The following OR4E2 variants were observed in gnomAD, a reference collection of about 807,000 sequenced individuals.
OR4E2 encodes the protein olfactory receptor family 4 subfamily E member 2.
OR4E2 carries 9 observed loss-of-function variants against 11.0 expected under a neutral mutation model. The observed-to-expected ratio is 0.82, with a 90% CI of 0.49 to 1.43. The LOEUF (loss-of-function observed/expected upper bound fraction) is 1.43. OR4E2 is among the 40% of genes most tolerant of loss of function. The pLI is 0.00. For synonymous variants in OR4E2, 159 were observed against 147.3 expected (o/e 1.08, Z -0.57); for missense variants, 441 against 382.0 (o/e 1.15, Z -1.29).
In OR4E2 at chr14:21,660,724, C is replaced by G. The variant is rs1880275618; in HGVS notation, c.-31C>G. 1.3e-5 allele frequency: 2 copies of G among 151,540 alleles called. No individual in the cohort carries two copies. Among genetic ancestry groups the G allele is most frequent in the South Asian group, 4.2e-4 (2 of 4,800 alleles). 9.4% of individuals were successfully genotyped at this position (151,540 alleles called of 1,614,324 possible). A position where few individuals can be genotyped will look rare whatever the true frequency, so the allele number is the denominator to read the frequency against. On this transcript the variant is annotated 5_prime_UTR_variant, in exon 3 of 4. Coordinates refer to ENST00000641524, the MANE Select transcript of OR4E2 (RefSeq NM_001001912.3). Reference sequence around the variant, plus strand: ...TAAGCGATAGATCCTCCACCTCAGCCTCTTGAGTATTTGGGACTACAGGCA... The same window carrying G: ...TAAGCGATAGATCCTCCACCTCAGCGTCTTGAGTATTTGGGACTACAGGCA...
intron 1 of OR4E2, among the ~76,000 whole-genome samples, chr14:21,656,106 C>T (rs906701444): frequency 6.6e-6 from 1 of 151,618 alleles, no homozygotes; most frequent in African/African-American, 2.4e-5. Context: ...AGCGAAGCCC[C>T]TGTCTCTACA....
chr14:21,654,977 C>T (rs538178179), intron 1 of OR4E2, among the ~76,000 whole-genome samples: 5 of 152,232 alleles, frequency 3.3e-5, no homozygotes, highest in Admixed American at 2.0e-4. Context: ...CATGAAGCCT[C>T]GCCACATTAT....
At chr14:21,655,751 G>T (rs1879908027) in intron 1 of OR4E2, among the ~76,000 whole-genome samples, 2 of 152,030 alleles carry the variant, frequency 1.3e-5, no homozygotes, top group African/African-American at 4.8e-5. Context: ...CTAAAAGTGT[G>T]CTTTCTATTA....
At chr14:21,661,268 A>G (rs1449517828) in intron 3 of OR4E2, among the ~76,000 whole-genome samples, 2 of 152,244 alleles carry the variant, frequency 1.3e-5, no homozygotes, top group African/African-American at 4.8e-5. Context: ...AACATAATTC[A>G]TGAATATGTA....
At chr14:21,654,556 C>G (rs1362091040) in intron 1 of OR4E2, among the ~76,000 whole-genome samples, 2 of 151,972 alleles carry the variant, frequency 1.3e-5, no homozygotes, top group Admixed American at 1.3e-4. Context: ...CTACCAATAG[C>G]CAAATCTGTA....
intron 3 of OR4E2, among the ~76,000 whole-genome samples, chr14:21,663,228 C>T (rs955205030): frequency 1.3e-5 from 2 of 152,042 alleles, no homozygotes; most frequent in African/African-American, 4.8e-5. Flanking sequence ...GCCTGTAATC[C>T]CAGCACTTTG....
rs537657313 is a variant in OR4E2 at position 21,657,438 on chromosome 14, T to C, written c.-103+849T>C. On this transcript the variant is annotated intron_variant, in intron 2 of 3. Coordinates refer to ENST00000641524, the MANE Select transcript of OR4E2 (RefSeq NM_001001912.3). Reference sequence around the variant, plus strand: ...TCTTTCTTTCTCTTTCTTTCTTCTTTCTTTCCTTCCTTCCTTCCTTCCTTC... The same window carrying C: ...TCTTTCTTTCTCTTTCTTTCTTCTTCCTTTCCTTCCTTCCTTCCTTCCTTC... Among the ~76,000 whole-genome samples, 42 of 99,546 alleles carry C rather than the reference T, an allele frequency of 4.2e-4. 1 individual carries two copies. The highest frequency in any genetic ancestry group is 1.7e-3 in the African/African-American group (40 of 23,962). The allele number at this position is 99,546 out of a possible 152,430, so 65.3% of individuals were successfully genotyped here.
rs1273179317 is a variant in OR4E2, at chr14:21,660,662, C to T, written c.-93C>T. The T allele has an allele frequency of 3.3e-5, 5 of 150,080 alleles. No individual in the cohort carries two copies. The highest frequency in any genetic ancestry group is 9.8e-5 in the African/African-American group (4 of 40,694). 9.3% of individuals were successfully genotyped at this position (150,080 alleles called of 1,614,324 possible). On this transcript the variant is annotated 5_prime_UTR_variant, in exon 3 of 4. Coordinates refer to ENST00000641524, the MANE Select transcript of OR4E2 (RefSeq NM_001001912.3). ...TTTTTTTTTTTTAAAGATGGCATCT[C>T]GCTGTGCTGCCTAGGCAGACCTTGA...
chr14:21,665,416 A>T lies in OR4E2; in HGVS notation c.334A>T (p.Ile112Phe). The T allele has an allele frequency of 6.2e-7, 1 of 1,614,000 alleles. No homozygotes were observed. The highest frequency in any genetic ancestry group is 1.7e-5 in the Admixed American group (1 of 60,016). The change falls in exon 4 of 4, where the codon ATC becomes TTC. Residue 112 changes from isoleucine to phenylalanine, a missense_variant. By Grantham distance (21) the Ile-to-Phe change is conservative (BLOSUM62 0). Coordinates refer to ENST00000641524, the MANE Select transcript of OR4E2 (RefSeq NM_001001912.3). ...FFLHLFACAE[I>F]FLLIIMAYDR... ...CCTACATCTCTTTGCCTGTGCCGAG[A>T]TCTTTCTGCTGATCATTATGGCGTA...
chr14:21,659,705 A>G (rs1307292709), intron 2 of OR4E2, among the ~76,000 whole-genome samples: 5 of 152,250 alleles, frequency 3.3e-5, no homozygotes, highest in African/African-American at 1.2e-4. Context: ...TAGAGAAGTT[A>G]TAATCGTTCA....
At chr14:21,661,270 G>A (rs1324733756) in intron 3 of OR4E2, among the ~76,000 whole-genome samples, 1 of 152,064 alleles carries the variant, frequency 6.6e-6, no homozygotes, top group Non-Finnish European at 1.5e-5. Flanking sequence ...CATAATTCAT[G>A]AATATGTATA....
intron 3 of OR4E2, among the ~76,000 whole-genome samples, chr14:21,663,489 T>TAAA (rs1880452819): frequency 0.017 from 1,516 of 86,870 alleles, 16 homozygotes; most frequent in Middle Eastern, 0.068. Flanking sequence ...CGAAAAAAAT[T>TAAA]TTTTTTTTTT....
intron 2 of OR4E2, among the ~76,000 whole-genome samples, chr14:21,658,808 G>GTT (rs57725703): frequency 6.8e-6 from 1 of 147,584 alleles, no homozygotes. Flanking sequence ...TTGACCTTCA[G>GTT]TTTTTTTTTT....
rs762834349 is a variant in OR4E2, at chr14:21,665,547, C to G, written c.465C>G (p.His155Gln). ...VFALWLGGTV[H>Q]SLGQTFLTIR... The stretch of plus-strand genomic sequence containing the variant: ...CTCTCTGGTTGGGGGGTACTGTTCA[C>G]TCACTAGGGCAGACCTTCTTGACTA... The change falls in exon 4 of 4, where the codon CAC (histidine) becomes CAG (glutamine). Residue 155 changes from histidine to glutamine, a missense_variant. By Grantham distance (24) the His-to-Gln change is conservative. Transcript: ENST00000641524. 6.2e-7 allele frequency: 1 copy of G among 1,614,164 alleles called. No homozygotes were observed. Among genetic ancestry groups the G allele is most frequent in the Non-Finnish European group, 8.5e-7 (1 of 1,180,036 alleles).
At position 21,666,098 on chromosome 14, in the gene OR4E2, C is replaced by A; in HGVS notation, c.*74C>A. 2 of 1,058,398 alleles carry A rather than the reference C, an allele frequency of 1.9e-6. No homozygotes were observed. Among genetic ancestry groups the A allele is most frequent in the Non-Finnish European group, 1.4e-6 (1 of 719,592 alleles). 65.6% of individuals were successfully genotyped at this position (1,058,398 alleles called of 1,614,324 possible). The stretch of plus-strand genomic sequence containing the variant: ...AGCAAAAGTAAAGAGTCAAAATCAA[C>A]TTATATAACTTGGTAAATTAGGTAA... On this transcript the variant is annotated 3_prime_UTR_variant, in exon 4 of 4. Coordinates refer to ENST00000641524, the MANE Select transcript of OR4E2 (RefSeq NM_001001912.3).
chr14:21,666,664 A>T lies in OR4E2; in HGVS notation c.*640A>T, dbSNP rs1184598558. 2.0e-5 allele frequency: 3 copies of T among 151,968 alleles called. No individual in the cohort carries two copies. Among genetic ancestry groups the T allele is most frequent in the Non-Finnish European group, 4.4e-5 (3 of 68,006 alleles). 9.4% of individuals were successfully genotyped at this position (151,968 alleles called of 1,614,324 possible). Reference sequence around the variant, plus strand: ...CAAAACAAAACTATACACCCACAAGAATAGTAAAAATTAAAAAGGTAGAAA... The same window carrying T: ...CAAAACAAAACTATACACCCACAAGTATAGTAAAAATTAAAAAGGTAGAAA... On this transcript the variant is annotated 3_prime_UTR_variant, in exon 4 of 4. Transcript: ENST00000641524.
chr14:21,659,316 A>C (rs1228951692), intron 2 of OR4E2, among the ~76,000 whole-genome samples: 1 of 152,186 alleles, frequency 6.6e-6, no homozygotes. Flanking sequence ...AGGCTGAGGC[A>C]GGAAGATTGC....
chr14:21,654,850 G>C (rs1405034269), intron 1 of OR4E2, among the ~76,000 whole-genome samples: 2 of 152,070 alleles, frequency 1.3e-5, no homozygotes, highest in Admixed American at 6.6e-5. Context: ...AGGGCTGCAG[G>C]CTGGAAATTC....
Position 21,656,798 on chromosome 14 carries a change from A to C in OR4E2, c.-103+209A>C, listed in dbSNP as rs1351949421. ...TAAGGAATCAGAATACTTTTTTAAC[A>C]TGTTGCTGCCTATGAAGGCACCTGC... On this transcript the variant is annotated intron_variant, in intron 2 of 3. Transcript: ENST00000641524. Among the ~76,000 whole-genome samples the C allele has an allele frequency of 3.3e-5, 5 of 152,196 alleles. No individual in the cohort carries two copies. In the East Asian group the frequency reaches 9.6e-4, roughly 29 times the overall value.
Sources: gnomAD v4.1 joint callset for allele counts (sites outside exome capture counted in the v4.1 genomes callset) on GRCh38, gnomAD v4.1.1 for gene constraint, MANE v1.5 for transcripts, NCBI Gene and HGNC (gene_info 2026-07-23, HGNC 2026-07-21) for gene names.